Variants in CDH20 observed in about 807,000 individuals in gnomAD.
CDH20 encodes cadherin-20.
Under a neutral mutation model 74.2 loss-of-function variants are expected in CDH20, and 29 were observed. The ratio of observed to expected loss-of-function variants is 0.39; its 90% CI spans 0.29 to 0.53. The LOEUF is 0.53. CDH20 is among the 20% of genes least tolerant of loss of function. The pLI is 0.69. For missense variants in CDH20, 988 were observed against 1,048.3 expected (o/e 0.94, Z 0.79); for synonymous variants, 469 against 405.4 (o/e 1.16, Z -1.88).
At chr18:61,553,615 TTC>T (rs944786266) in intron 11 of CDH20, among the ~76,000 whole-genome samples, 4 of 152,318 alleles carry the variant, frequency 2.6e-5, no homozygotes, top group Non-Finnish European at 4.4e-5. Context: ...ATCACTTATG[TTC>T]TGTTGTTTTT....
intron 1 of CDH20, among the ~76,000 whole-genome samples, chr18:61,435,735 T>C (rs1908810379): frequency 6.7e-6 from 1 of 150,082 alleles, no homozygotes; most frequent in South Asian, 2.1e-4. Flanking sequence ...AACATAAATA[T>C]AAAAAATATA....
intron 1 of CDH20, among the ~76,000 whole-genome samples, chr18:61,396,965 C>G (rs900239432): frequency 6.6e-6 from 1 of 152,198 alleles, no homozygotes; most frequent in Non-Finnish European, 1.5e-5. Flanking sequence ...GCTGTTCTTG[C>G]TACTACGTAT....
intron 1 of CDH20, among the ~76,000 whole-genome samples, chr18:61,385,166 A>G (rs567689649): frequency 1.3e-5 from 2 of 152,292 alleles, no homozygotes; most frequent in Non-Finnish European, 2.9e-5. Context: ...TAAGTCAACA[A>G]CTTTAACATA....
At position 61,521,233 on chromosome 18, in the gene CDH20, T is replaced by A. The variant is rs922767601; in HGVS notation, c.1018-6734T>A. On this transcript the variant is annotated intron_variant, in intron 6 of 11. Coordinates refer to ENST00000262717, the MANE Select transcript of CDH20 (RefSeq NM_031891.4). ...ATCAAATAGACACAATAAAAAATGA[T>A]AAAGGGGATATCACCACTGATCCCA... Among the ~76,000 whole-genome samples, 39 of 150,922 alleles carry A rather than the reference T, an allele frequency of 2.6e-4. 1 individual carries two copies. The highest frequency in any genetic ancestry group is 1.2e-4 in the Non-Finnish European group (8 of 67,950).
intron 1 of CDH20, among the ~76,000 whole-genome samples, chr18:61,477,966 C>T (rs1203491930): frequency 2.6e-5 from 4 of 152,008 alleles, no homozygotes; most frequent in Admixed American, 6.6e-5. Flanking sequence ...TTTGGGAGGT[C>T]GAGATGAGCA....
At chr18:61,551,786 C>T (rs2144414346) in intron 11 of CDH20, among the ~76,000 whole-genome samples, 2 of 152,288 alleles carry the variant, frequency 1.3e-5, no homozygotes, top group South Asian at 4.1e-4. Flanking sequence ...AATTTCCAGA[C>T]TGGCTGTCCT....
chr18:61,552,400 T>TAA (rs1004243953), intron 11 of CDH20, among the ~76,000 whole-genome samples: 4 of 145,704 alleles, frequency 2.7e-5, no homozygotes, highest in East Asian at 2.0e-4. Context: ...TAGATTACCT[T>TAA]AAAAAAAAAA....
intron 7 of CDH20, among the ~76,000 whole-genome samples, chr18:61,534,384 T>C (rs1912751909): frequency 1.3e-5 from 2 of 152,252 alleles, no homozygotes; most frequent in South Asian, 4.1e-4. Flanking sequence ...TCTGGGTATA[T>C]ATCCAAAGGA....
At chr18:61,545,354 C>T (rs1039325198) in intron 10 of CDH20, among the ~76,000 whole-genome samples, 2 of 151,188 alleles carry the variant, frequency 1.3e-5, no homozygotes, top group African/African-American at 4.9e-5. Context: ...GCAGTCCTCC[C>T]ATCTCAGCCT....
At chr18:61,477,194 A>G (rs1174564786) in intron 1 of CDH20, among the ~76,000 whole-genome samples, 2 of 152,210 alleles carry the variant, frequency 1.3e-5, no homozygotes, top group African/African-American at 2.4e-5. Context: ...CTCTTATCAT[A>G]TACATGTGGC....
intron 1 of CDH20, among the ~76,000 whole-genome samples, chr18:61,409,995 G>A (rs967919864): frequency 1.3e-5 from 2 of 152,178 alleles, no homozygotes; most frequent in South Asian, 2.1e-4. Flanking sequence ...TGAGAACCAG[G>A]TGCTAGAATC....
At chr18:61,528,901 ACTT>A (rs1291188000) in intron 7 of CDH20, among the ~76,000 whole-genome samples, 1 of 152,218 alleles carries the variant, frequency 6.6e-6, no homozygotes, top group African/African-American at 2.4e-5. Flanking sequence ...CATAGAAACT[ACTT>A]CTGTTGTCAG....
chr18:61,476,442 C>G (rs1399636737), intron 1 of CDH20, among the ~76,000 whole-genome samples: 2 of 152,102 alleles, frequency 1.3e-5, no homozygotes, highest in Non-Finnish European at 2.9e-5. Flanking sequence ...CAAGATATAT[C>G]CAAATTCCTG....
At chr18:61,425,084 TC>T (rs1913027247) in intron 1 of CDH20, among the ~76,000 whole-genome samples, 1 of 148,730 alleles carries the variant, frequency 6.7e-6, no homozygotes, top group African/African-American at 2.5e-5. Flanking sequence ...TCTCACTCAC[TC>T]CGGCTCTAGG....
intron 1 of CDH20, among the ~76,000 whole-genome samples, chr18:61,425,040 CCTCTCTCTCTCTCTCTCTCTCT>C (rs10535853): frequency 1.2e-3 from 165 of 134,752 alleles, no homozygotes; most frequent in African/African-American, 4.3e-3. Context: ...CTTCCCCGCT[CCTCTCTCTCTCTCTCTCTCTCT>C]CTCTCTCTCT....
intron 1 of CDH20, among the ~76,000 whole-genome samples, chr18:61,471,105 T>C (rs1002599168): frequency 1.3e-5 from 2 of 152,236 alleles, no homozygotes; most frequent in African/African-American, 4.8e-5. Flanking sequence ...ATAGTACTTC[T>C]TTTTGAAATG....
chr18:61,488,092 A>ATATATATG (rs1042246451), intron 1 of CDH20, among the ~76,000 whole-genome samples: 2,654 of 151,252 alleles, frequency 0.018, 73 homozygotes, highest in African/African-American at 0.058. Context: ...ATATATATAT[A>ATATATATG]TATGTACGTA....
intron 1 of CDH20, among the ~76,000 whole-genome samples, chr18:61,387,179 A>C (rs9954337): frequency 0.15 from 23,283 of 152,148 alleles, 1,822 homozygotes; most frequent in Non-Finnish European, 0.18. Flanking sequence ...GTTGATGTTT[A>C]TTAGAGTGAA....
intron 1 of CDH20, among the ~76,000 whole-genome samples, chr18:61,402,707 A>T (rs554099479): frequency 1.3e-5 from 2 of 152,346 alleles, no homozygotes; most frequent in East Asian, 3.9e-4. Flanking sequence ...TCTTATAATA[A>T]AGGAGCAACT....
Sources: allele counts gnomAD v4.1 joint callset (sites outside exome capture counted in the v4.1 genomes callset), GRCh38; gene constraint gnomAD v4.1.1; transcripts MANE v1.5; gene names NCBI Gene and HGNC (gene_info 2026-07-23, HGNC 2026-07-21).